CNTNAP2: variants seen among roughly 807,000 people sequenced by gnomAD.
The protein encoded by CNTNAP2 is contactin associated protein 2.
A neutral mutation model predicts 155.2 loss-of-function variants in CNTNAP2; 98 were observed. That is an observed-to-expected ratio of 0.63 (90% CI 0.54 to 0.75). CNTNAP2 has a LOEUF of 0.75. Among genes scored for constraint, CNTNAP2 ranks in the 30% least tolerant of loss-of-function variants. The probability of loss-of-function intolerance (pLI) is 0.00; values close to 1 mark genes in which losing one functional copy is unlikely to be tolerated. For missense variants in CNTNAP2, 1,727 were observed against 1,688.1 expected (o/e 1.02, Z -0.40); for synonymous variants, 651 against 631.2 (o/e 1.03, Z -0.47).
intron 15 of CNTNAP2, among the ~76,000 whole-genome samples, chr7:148,100,122 A>C (rs1804065651): frequency 6.6e-6 from 1 of 151,810 alleles, no homozygotes; most frequent in Admixed American, 6.6e-5. Flanking sequence ...CACTCGCCTC[A>C]GCCTCCCAAA....
intron 14 of CNTNAP2, among the ~76,000 whole-genome samples, chr7:147,928,190 G>A (rs897406785): frequency 6.6e-6 from 1 of 152,084 alleles, no homozygotes; most frequent in Admixed American, 6.6e-5. Context: ...ATGTGAAACT[G>A]TGAACCCATT....
chr7:146,942,523 G>T (rs1264849785), intron 3 of CNTNAP2, among the ~76,000 whole-genome samples: 1 of 152,034 alleles, frequency 6.6e-6, no homozygotes, highest in African/African-American at 2.4e-5. Flanking sequence ...GTTATTACAA[G>T]CTATATATCA....
chr7:146,550,409 T>TTTTG (rs1798099800), intron 1 of CNTNAP2, among the ~76,000 whole-genome samples: 1 of 109,894 alleles, frequency 9.1e-6, no homozygotes, highest in East Asian at 2.2e-4. Context: ...CTGTTTTTTT[T>TTTTG]TTTTTTTTTT....
intron 15 of CNTNAP2, among the ~76,000 whole-genome samples, chr7:148,015,833 T>C (rs1241419375): frequency 3.9e-5 from 6 of 152,232 alleles, no homozygotes; most frequent in African/African-American, 1.4e-4. Flanking sequence ...AATGAAAGTT[T>C]CCAGGTGAGA....
chr7:147,164,257 A>G (rs999794704), intron 8 of CNTNAP2, among the ~76,000 whole-genome samples: 1 of 152,350 alleles, frequency 6.6e-6, no homozygotes, highest in South Asian at 2.1e-4. Flanking sequence ...GACTGAGTTT[A>G]TAAAGCAGAC....
intron 1 of CNTNAP2, among the ~76,000 whole-genome samples, chr7:146,292,650 A>G (rs1362830483): frequency 6.6e-6 from 1 of 152,226 alleles, no homozygotes; most frequent in Non-Finnish European, 1.5e-5. Flanking sequence ...TGAAATCAAC[A>G]TGTTGGAGAG....
chr7:147,398,287 C>T (rs75608767), intron 10 of CNTNAP2, among the ~76,000 whole-genome samples: 2,323 of 152,058 alleles, frequency 0.015, 49 homozygotes, highest in African/African-American at 0.053. Flanking sequence ...GCAACTGCCC[C>T]GTATCTACAA....
chr7:148,184,342 T>TA (rs1299333550), intron 18 of CNTNAP2, among the ~76,000 whole-genome samples: 2 of 152,252 alleles, frequency 1.3e-5, no homozygotes, highest in African/African-American at 4.8e-5. Context: ...AGAGGTCTTC[T>TA]AAAAACTTGC....
At chr7:147,911,024 A>G (rs1376484184) in intron 14 of CNTNAP2, among the ~76,000 whole-genome samples, 6 of 152,124 alleles carry the variant, frequency 3.9e-5, no homozygotes, top group African/African-American at 1.4e-4. Context: ...AAATGCATTC[A>G]TTTTGTTGTG....
chr7:146,915,134 T>G (rs1401563478), intron 3 of CNTNAP2, among the ~76,000 whole-genome samples: 1 of 152,028 alleles, frequency 6.6e-6, no homozygotes, highest in South Asian at 2.1e-4. Flanking sequence ...CTATAAGTAT[T>G]TGGCTCTATT....
chr7:147,157,468 A>T (rs1801946661), intron 8 of CNTNAP2, among the ~76,000 whole-genome samples: 2 of 152,134 alleles, frequency 1.3e-5, no homozygotes, highest in Admixed American at 6.6e-5. Flanking sequence ...CTTTTTCAGA[A>T]CAATTGTCAA....
chr7:148,401,221 A>T (rs1003696916), intron 22 of CNTNAP2, among the ~76,000 whole-genome samples: 7 of 152,194 alleles, frequency 4.6e-5, no homozygotes, highest in Admixed American at 1.3e-4. Context: ...AAGATACATG[A>T]GAGAGTCCTG....
At chr7:147,862,202 T>C (rs1799148283) in intron 13 of CNTNAP2, among the ~76,000 whole-genome samples, 1 of 152,028 alleles carries the variant, frequency 6.6e-6, no homozygotes, top group South Asian at 2.1e-4. Flanking sequence ...AAACCATGGG[T>C]TATAAAATGC....
intron 19 of CNTNAP2, among the ~76,000 whole-genome samples, chr7:148,229,293 G>A (rs1287044456): frequency 2.6e-5 from 4 of 152,212 alleles, no homozygotes; most frequent in South Asian, 2.1e-4. Flanking sequence ...GGAGGCTGAG[G>A]CGAACGGATA....
chr7:147,170,512 C>G (rs1439975441), intron 8 of CNTNAP2, among the ~76,000 whole-genome samples: 1 of 152,102 alleles, frequency 6.6e-6, no homozygotes, highest in African/African-American at 2.4e-5. Flanking sequence ...CCTTACTGGG[C>G]CAGCTCTGTG....
At position 148,288,004 on chromosome 7, in the gene CNTNAP2, A is replaced by G. The variant is rs146346716; in HGVS notation, c.3475+20878A>G. ...ATGGGGTTTCACCATGTTGGCCAGG[A>G]TGGTCTCAATCTCTTGACTTCGTGA... On this transcript the variant is annotated intron_variant, in intron 21 of 23. Coordinates refer to ENST00000361727, the MANE Select transcript of CNTNAP2 (RefSeq NM_014141.6). Among the ~76,000 whole-genome samples the G allele has an allele frequency of 2.0e-5, 3 of 150,374 alleles. No individual in the cohort carries two copies. The South Asian group carries it at 6.3e-4, about 32-fold the overall frequency.
intron 3 of CNTNAP2, among the ~76,000 whole-genome samples, chr7:146,867,565 T>C (rs1259722375): frequency 6.6e-6 from 1 of 152,114 alleles, no homozygotes; most frequent in Non-Finnish European, 1.5e-5. Flanking sequence ...CGAATGGCAG[T>C]TCTGTTTTTT....
chr7:146,681,738 T>G (rs905654110), intron 1 of CNTNAP2, among the ~76,000 whole-genome samples: 14 of 152,240 alleles, frequency 9.2e-5, no homozygotes, highest in Middle Eastern at 3.4e-3. Flanking sequence ...GGCACAAGTT[T>G]ACCTATGTAA....
intron 10 of CNTNAP2, among the ~76,000 whole-genome samples, chr7:147,397,027 A>G (rs114555359): frequency 7.9e-5 from 12 of 152,162 alleles, no homozygotes; most frequent in South Asian, 4.1e-4. Flanking sequence ...GTTTGCTTTC[A>G]TAAAATCTGA....
Sources: gnomAD v4.1 joint callset for allele counts (sites outside exome capture counted in the v4.1 genomes callset) on GRCh38, gnomAD v4.1.1 for gene constraint, MANE v1.5 for transcripts, NCBI Gene and HGNC (gene_info 2026-07-23, HGNC 2026-07-21) for gene names.